SPART: variants seen among roughly 807,000 people sequenced by gnomAD.
The protein encoded by SPART is spartin.
SPART carries 35 observed loss-of-function variants against 58.7 expected under a neutral mutation model. That is an observed-to-expected ratio of 0.60 (90% CI 0.46 to 0.79). The LOEUF is 0.79. SPART is among the 30% of genes least tolerant of loss of function. The pLI is 0.00. For missense variants in SPART, 730 were observed against 786.1 expected (o/e 0.93, Z 0.85); for synonymous variants, 284 against 280.7 (o/e 1.01, Z -0.12).
At chr13:36,367,917 C>G (rs543327196) in intron 1 of SPART, among the ~76,000 whole-genome samples, 1 of 152,188 alleles carries the variant, frequency 6.6e-6, no homozygotes, top group South Asian at 2.1e-4. Context: ...TATATATTCT[C>G]AGGATACGAC....
intron 1 of SPART, among the ~76,000 whole-genome samples, chr13:36,362,874 A>G (rs1885917939): frequency 6.6e-6 from 1 of 152,098 alleles, no homozygotes; most frequent in South Asian, 2.1e-4. Flanking sequence ...TGGTTATGTA[A>G]GATTATTTTC....
At chr13:36,309,233 A>T (rs1320825456) in intron 8 of SPART, among the ~76,000 whole-genome samples, 4 of 146,212 alleles carry the variant, frequency 2.7e-5, no homozygotes, top group African/African-American at 9.9e-5. Context: ...GACAGAGTGA[A>T]ACTCCGTCTC....
At chr13:36,344,325 T>G (rs1884850863) in intron 1 of SPART, among the ~76,000 whole-genome samples, 1 of 152,188 alleles carries the variant, frequency 6.6e-6, no homozygotes, top group South Asian at 2.1e-4. Context: ...GATGAAAGAT[T>G]TCCTAATAAT....
intron 1 of SPART, among the ~76,000 whole-genome samples, chr13:36,353,449 G>A (rs1324448714): frequency 2.6e-5 from 4 of 152,150 alleles, no homozygotes; most frequent in African/African-American, 9.7e-5. Context: ...TACACTGGAG[G>A]TTTTTAGCAA....
At chr13:36,321,817 A>G (rs1882433340) in intron 5 of SPART, among the ~76,000 whole-genome samples, 1 of 152,226 alleles carries the variant, frequency 6.6e-6, no homozygotes, top group Non-Finnish European at 1.5e-5. Flanking sequence ...GCCTGAAGTA[A>G]CTGAAGAATC....
At chr13:36,306,907 T>A (rs1880561879) in intron 8 of SPART, among the ~76,000 whole-genome samples, 1 of 152,222 alleles carries the variant, frequency 6.6e-6, no homozygotes, top group Non-Finnish European at 1.5e-5. Flanking sequence ...AGTTTTAAAA[T>A]TCTAAAATAC....
At chr13:36,333,524 G>A (rs1593261008) in intron 2 of SPART, among the ~76,000 whole-genome samples, 3 of 149,532 alleles carry the variant, frequency 2.0e-5, no homozygotes, top group East Asian at 2.0e-4. Flanking sequence ...ACAAGCAAAT[G>A]AGAACCTCTT....
rs187240627 is a variant in SPART, at chr13:36,340,502, T to C, written c.-2-4670A>G. ...AAAAAAGAGAGAGAAGTAAGAGTGC[T>C]AAGGAACTTCTTAAAGGCAACAATA... On this transcript the variant is annotated intron_variant, in intron 1 of 8. Transcript: ENST00000438666. Among the ~76,000 whole-genome samples, 13 of 152,248 alleles carry C rather than the reference T, an allele frequency of 8.5e-5. No individual in the cohort carries two copies. In the East Asian group the frequency reaches 2.5e-3, roughly 29 times the overall value.
At chr13:36,362,794 T>G (rs1467258058) in intron 1 of SPART, among the ~76,000 whole-genome samples, 1 of 5,458 alleles carries the variant, frequency 1.8e-4, no homozygotes, top group Admixed American at 2.3e-3. Context: ...GGAGGATACT[T>G]TTTTTTTTTT....
At position 36,346,314 on chromosome 13, in the gene SPART, A is replaced by C. The variant is rs1885116521; in HGVS notation, c.-92T>G. 6.6e-6 allele frequency: 1 copy of C among 151,858 alleles called. No individual in the cohort carries two copies. The highest frequency in any genetic ancestry group is 1.5e-5 in the Non-Finnish European group (1 of 67,992). 9.4% of individuals were successfully genotyped at this position (151,858 alleles called of 1,614,324 possible). On this transcript the variant is annotated 5_prime_UTR_variant, in exon 1 of 9. Transcript: ENST00000438666. ...CACGGACCAGCTCCCACTCCCTTAC[A>C]CTGGGCGCCGCTGCGCTCGCCGGGG... is the stretch of plus-strand genomic sequence containing the variant.
chr13:36,363,492 T>C (rs1885946120), intron 1 of SPART, among the ~76,000 whole-genome samples: 1 of 152,108 alleles, frequency 6.6e-6, no homozygotes, highest in Non-Finnish European at 1.5e-5. Flanking sequence ...TACTCTTCTC[T>C]GCCTTTGCTT....
intron 1 of SPART, among the ~76,000 whole-genome samples, chr13:36,339,496 A>G (rs1323832331): frequency 4.6e-5 from 7 of 151,620 alleles, no homozygotes; most frequent in African/African-American, 1.7e-4. Flanking sequence ...CCAGGGCATC[A>G]TGGCATGCAC....
chr13:36,348,107 G>A (rs1030717227), upstream of SPART, among the ~76,000 whole-genome samples: 13 of 151,998 alleles, frequency 8.6e-5, no homozygotes, highest in African/African-American at 2.9e-4. Context: ...GCAACATGAC[G>A]AAACCCGTCC....
intron 1 of SPART, 144 bp from the exon 2 acceptor site, chr13:36,335,976 T>A (rs1022091823): frequency 4.4e-6 from 3 of 681,006 alleles, no homozygotes; most frequent in Middle Eastern, 8.0e-4. Context: ...TTAAGCCTAC[T>A]ATTAGGTCTG....
intron 4 of SPART, among the ~76,000 whole-genome samples, chr13:36,328,998 G>C (rs946101482): frequency 2.0e-5 from 3 of 152,160 alleles, no homozygotes; most frequent in Admixed American, 2.0e-4. Context: ...TACTCGTGGA[G>C]CGTGAGGCAG....
chr13:36,347,645 G>T (rs1885231269), upstream of SPART, among the ~76,000 whole-genome samples: 1 of 151,988 alleles, frequency 6.6e-6, no homozygotes, highest in Admixed American at 6.6e-5. Flanking sequence ...TTAATACAGT[G>T]GTTTCAAAAT....
intron 8 of SPART, among the ~76,000 whole-genome samples, chr13:36,311,638 T>C (rs1881116012): frequency 6.6e-6 from 1 of 152,198 alleles, no homozygotes. Context: ...ATGTTTATAA[T>C]GATTAGTAAC....
rs1207137924 is a variant in SPART at position 36,335,140 on chromosome 13, A to C, written c.691T>G (p.Phe231Val). The part of the protein sequence containing the change: ...LILIPNGVQI[F>V]FVNPAGEVSA... ...ACCTCCCCTGCAGGATTTACAAAAA[A>C]AATCTGTACTCCATTTGGTATCAAA... is the stretch of plus-strand genomic sequence containing the variant. The change falls in exon 2 of 9, where the codon TTT (phenylalanine) becomes GTT (valine). Residue 231 changes from phenylalanine to valine, a missense_variant. By Grantham distance (50) the Phe-to-Val change is conservative. Coordinates refer to ENST00000438666, the MANE Select transcript of SPART (RefSeq NM_015087.5). 6.2e-7 allele frequency: 1 copy of C among 1,614,178 alleles called. No individual in the cohort carries two copies. The highest frequency in any genetic ancestry group is 8.5e-7 in the Non-Finnish European group (1 of 1,180,024).
chr13:36,368,166 C>A lies in SPART; in HGVS notation c.-3+1923G>T, dbSNP rs954146624. On this transcript the variant is annotated intron_variant, in intron 1 of 8. Transcript: ENST00000355182. ...TAAACATGTCAACAAAAAATAAATT[C>A]TTTCATTTACTCATTCCTTTCTCCC... 6 of 456,024 alleles carry A rather than the reference C, an allele frequency of 1.3e-5. No homozygotes were observed. The East Asian group carries it at 2.9e-4, about 22-fold the overall frequency. 28.2% of individuals were successfully genotyped at this position (456,024 alleles called of 1,614,324 possible).
Sources: gnomAD v4.1 joint callset for allele counts (sites outside exome capture counted in the v4.1 genomes callset) on GRCh38, gnomAD v4.1.1 for gene constraint, MANE v1.5 for transcripts, NCBI Gene and HGNC (gene_info 2026-07-23, HGNC 2026-07-21) for gene names.